Variants in PRPF8 observed in about 807,000 individuals in gnomAD.
The protein encoded by PRPF8 is pre-mRNA processing factor 8, also known as pre-mRNA-processing-splicing factor 8.
In PRPF8, 64 loss-of-function variants were observed where a neutral mutation model predicts 285.9. The observed-to-expected ratio is 0.22, with a 90% CI of 0.18 to 0.28. The LOEUF (loss-of-function observed/expected upper bound fraction) is 0.28, where lower values mean the gene tolerates loss of function less well. Ranked by LOEUF, PRPF8 falls within the 10% of genes least tolerant of loss-of-function variation. The pLI is 1.00. For synonymous variants in PRPF8, 1,325 were observed against 1,118.2 expected (o/e 1.18, Z -3.69); for missense variants, 1,426 against 3,026.7 (o/e 0.47, Z 12.41).
At chr17:1,666,157 C>T (rs1911973081) in intron 24 of PRPF8, among the ~76,000 whole-genome samples, 1 of 144,478 alleles carries the variant, frequency 6.9e-6, no homozygotes, top group Admixed American at 6.7e-5. Context: ...CAGGGCGAGA[C>T]TCTGTCTCAA....
In PRPF8 at chr17:1,676,764, C is replaced by T. The variant is rs1337305968; in HGVS notation, c.2182-53G>A. On this transcript the variant is annotated intron_variant, in intron 15 of 42. Coordinates refer to ENST00000304992, the MANE Select transcript of PRPF8 (RefSeq NM_006445.4). This position sits in a 1 kb window ranked among gnomAD's most constrained non-coding sequence, Gnocchi z 6.3. ...CAGGATCCAGCCAGGCACTGTGGCACACATCTGTAGTCCCGGCTACTCAGG... is the reference window on the plus strand; with the variant it reads ...CAGGATCCAGCCAGGCACTGTGGCATACATCTGTAGTCCCGGCTACTCAGG... 4 of 1,596,008 alleles carry T rather than the reference C, an allele frequency of 2.5e-6. No individual in the cohort carries two copies. The African/African-American group carries it at 4.0e-5, about 16-fold the overall frequency.
chr17:1,680,829 T>C lies in PRPF8; in HGVS notation c.995A>G (p.Tyr332Cys), dbSNP rs755861424. 4 of 1,613,928 alleles carry C rather than the reference T, an allele frequency of 2.5e-6. No homozygotes were observed. Among genetic ancestry groups the C allele is most frequent in the Non-Finnish European group, 2.5e-6 (3 of 1,179,962 alleles). ...GATGAATACAACATTGGGAGTATGG[T>C]ACCTAAAATGAAAGGAAGAGTCAGC... ...NLPHHVHLTW[Y>C]HTPNVVFIKT... The change falls in exon 8 of 43, where the codon TAC (tyrosine) becomes TGC (cysteine). Residue 332 changes from tyrosine (Y) to cysteine (C), a missense_variant and splice_region_variant. Physicochemically the swap from Tyr to Cys is radical, Grantham distance 194. Around this residue, in one of 34 missense-constraint regions of PRPF8, gnomAD observed 157 missense variants for 159.6 expected, o/e 0.98. Coordinates refer to ENST00000304992, the MANE Select transcript of PRPF8 (RefSeq NM_006445.4).
In PRPF8 at chr17:1,676,948, G is replaced by A. The variant is rs141503145; in HGVS notation, c.2181+28C>T. 6,516 of 1,611,136 alleles carry A rather than the reference G, an allele frequency of 4.0e-3. 17 individuals are homozygous for A. The highest frequency in any genetic ancestry group is 5.2e-3 in the Non-Finnish European group (6,099 of 1,179,208). On this transcript the variant is annotated intron_variant, in intron 15 of 42. Coordinates refer to ENST00000304992, the MANE Select transcript of PRPF8 (RefSeq NM_006445.4). The surrounding 1 kb of genome is among the most constrained non-coding windows in gnomAD (Gnocchi z 6.3). ...TCCTACCCTAAAGACGGATGTTTACGCCTCCAAGGAAATAAAGAGACACCC... is the reference window on the plus strand; with the variant it reads ...TCCTACCCTAAAGACGGATGTTTACACCTCCAAGGAAATAAAGAGACACCC...
Position 1,651,841 on chromosome 17 carries a change from T to G in PRPF8, c.6370-53A>C. 14 of 1,592,870 alleles carry G rather than the reference T, an allele frequency of 8.8e-6. No homozygotes were observed. Among genetic ancestry groups the G allele is most frequent in the Non-Finnish European group, 1.1e-5 (13 of 1,161,956 alleles). On this transcript the variant is annotated intron_variant, in intron 39 of 42. Transcript: ENST00000304992. The surrounding 1 kb of genome is among the most constrained non-coding windows in gnomAD (Gnocchi z 5.1). Reference sequence around the variant, plus strand: ...ACTCTTCTTAGTACCAGGTCAGAGTTGGAGCTGCCAGCCCTCTGTTTCCTT... The same window carrying G: ...ACTCTTCTTAGTACCAGGTCAGAGTGGGAGCTGCCAGCCCTCTGTTTCCTT...
Position 1,675,437 on chromosome 17 carries a change from T to C in PRPF8, c.2873-98A>G. The C allele has an allele frequency of 1.4e-6, 2 of 1,478,416 alleles. No homozygotes were observed. The highest frequency in any genetic ancestry group is 2.3e-5 in the East Asian group (1 of 44,254). The allele number at this position is 1,478,416 out of a possible 1,614,324, so 91.6% of individuals were successfully genotyped here. The stretch of plus-strand genomic sequence containing the variant: ...TTACCTTCCATAACCAATCCCACTA[T>C]GATTCCACGTATTCATTTGGATTGC... On this transcript the variant is annotated intron_variant, in intron 19 of 42. Coordinates refer to ENST00000304992, the MANE Select transcript of PRPF8 (RefSeq NM_006445.4). The surrounding 1 kb of genome is among the most constrained non-coding windows in gnomAD (Gnocchi z 6.0).
At position 1,678,501 on chromosome 17, in the gene PRPF8, TA is replaced by T. The variant is rs754093231; in HGVS notation, c.1854+16del. ...TCTGTCTCAAAAAAAAGAAAGTCAG[TA>T]AAGTCAAGGTCTCACCGTGTTGAAA... On this transcript the variant is annotated intron_variant, in intron 13 of 42. Coordinates refer to ENST00000304992, the MANE Select transcript of PRPF8 (RefSeq NM_006445.4). The T allele has an allele frequency of 1.2e-6, 2 of 1,613,990 alleles. No individual in the cohort carries two copies. Among genetic ancestry groups the T allele is most frequent in the South Asian group, 2.2e-5 (2 of 91,066 alleles).
intron 34 of PRPF8, among the ~76,000 whole-genome samples, chr17:1,657,420 C>T (rs537183059): frequency 7.2e-5 from 11 of 151,964 alleles, no homozygotes; most frequent in East Asian, 1.9e-4. Context: ...CCAAGGCGGG[C>T]GGATCACGAG....
intron 30 of PRPF8, 132 bp downstream of exon 30, chr17:1,660,300 C>A: frequency 6.6e-7 from 1 of 1,506,286 alleles, no homozygotes; most frequent in Non-Finnish European, 9.1e-7. Flanking sequence ...CCCCACGATT[C>A]CACCTGAGCT....
chr17:1,658,413 T>TACA lies in PRPF8; in HGVS notation c.5377-35_5377-33dup. On this transcript the variant is annotated intron_variant, in intron 33 of 42. Transcript: ENST00000304992. This position sits in a 1 kb window ranked among gnomAD's most constrained non-coding sequence, Gnocchi z 4.1. The stretch of plus-strand genomic sequence containing the variant: ...GAGGACGGCATTCGTTAGCATGGCC[T>TACA]ACACAACACATCCCCATCCTGCCTT... The TACA allele has an allele frequency of 6.2e-7, 1 of 1,614,216 alleles. No homozygotes were observed. Among genetic ancestry groups the TACA allele is most frequent in the Non-Finnish European group, 8.5e-7 (1 of 1,180,046 alleles).
At position 1,652,535 on chromosome 17, in the gene PRPF8, A is replaced by G. The variant is rs143015245; in HGVS notation, c.6370-747T>C. On this transcript the variant is annotated intron_variant, in intron 39 of 42. Coordinates refer to ENST00000304992, the MANE Select transcript of PRPF8 (RefSeq NM_006445.4). ...TAAACTATAATATCCCTGATACACT[A>G]GTAAAGTTATGCATCTTTTCTCTTT... Among the ~76,000 whole-genome samples, 5 of 152,302 alleles carry G rather than the reference A, an allele frequency of 3.3e-5. No individual in the cohort carries two copies. The East Asian group carries it at 9.6e-4, about 29-fold the overall frequency.
In PRPF8 at chr17:1,679,675, G is replaced by C; in HGVS notation, c.1223C>G (p.Pro408Arg). Residue 408 changes from proline to arginine, a missense_variant, in exon 9 of 43, where the codon CCG becomes CGG. Physicochemically the swap from Pro to Arg is moderately radical, Grantham distance 103. This residue lies in a region of PRPF8 where 137 missense variants were observed against 161.2 expected (regional missense o/e 0.85). Coordinates refer to ENST00000304992, the MANE Select transcript of PRPF8 (RefSeq NM_006445.4). The surrounding 1 kb of genome is among the most constrained non-coding windows in gnomAD (Gnocchi z 4.7). ...TANGIALLWA[P>R]RPFNLRSGRT... ...ACCAGAGCGTAGGTTGAAGGGCCGC[G>C]GGGCCCAGAGCAGGGCAATGCCATT... 6.2e-7 allele frequency: 1 copy of C among 1,614,172 alleles called. No individual in the cohort carries two copies.
At chr17:1,683,385 T>C (rs1011332501) in intron 3 of PRPF8, 148 bp downstream of exon 3, 18 of 855,110 alleles carry the variant, frequency 2.1e-5, no homozygotes, top group Non-Finnish European at 3.3e-5. Flanking sequence ...AAGTGGAAGA[T>C]GTAGAAATTA....
intron 13 of PRPF8, 93 bp downstream of exon 13, chr17:1,678,425 G>C: frequency 6.5e-7 from 1 of 1,535,144 alleles, no homozygotes; most frequent in Non-Finnish European, 9.0e-7. Flanking sequence ...GGAGGTTGCA[G>C]TGAGCCAAGA....
rs1911186179 is a variant in PRPF8 at position 1,653,346 on chromosome 17, T to C, written c.6369+196A>G. On this transcript the variant is annotated intron_variant, in intron 39 of 42. Transcript: ENST00000304992. This position sits in a 1 kb window ranked among gnomAD's most constrained non-coding sequence, Gnocchi z 4.9. ...ACTATCAGGCCAATACTACAATTAC[T>C]ACCTTCTCTCAGCTGCCACAGCTTT... 8.6e-6 allele frequency: 6 copies of C among 700,268 alleles called. No homozygotes were observed. Among genetic ancestry groups the C allele is most frequent in the African/African-American group, 1.8e-5 (1 of 56,738 alleles). 43.4% of individuals were successfully genotyped at this position (700,268 alleles called of 1,614,324 possible).
intron 14 of PRPF8, 105 bp from the exon 15 acceptor site, chr17:1,677,277 G>T: frequency 8.1e-7 from 1 of 1,228,640 alleles, no homozygotes; most frequent in African/African-American, 1.5e-5. Flanking sequence ...ATAAAATTAG[G>T]TATTAACAAA....
intron 2 of PRPF8, among the ~76,000 whole-genome samples, chr17:1,684,129 C>G (rs1055065968): frequency 6.6e-6 from 1 of 152,114 alleles, no homozygotes; most frequent in African/African-American, 2.4e-5. Context: ...TCAGGTGATC[C>G]GCCCGCCTGG....
chr17:1,671,704 A>G (rs1912328458), intron 24 of PRPF8, among the ~76,000 whole-genome samples: 1 of 151,606 alleles, frequency 6.6e-6, no homozygotes. Context: ...ACAAAAACTT[A>G]GCCGGGCGTG....
At position 1,651,398 on chromosome 17, in the gene PRPF8, A is replaced by C; in HGVS notation, c.6650+16T>G. ...CCCTGCCCCACCATACTTCCTCCCA[A>C]GGAGCCCAGGCCCACCTGCATGTGA... On this transcript the variant is annotated intron_variant, in intron 41 of 42. Transcript: ENST00000304992. This position sits in a 1 kb window ranked among gnomAD's most constrained non-coding sequence, Gnocchi z 5.1. 1 of 1,614,046 alleles carries C rather than the reference A, an allele frequency of 6.2e-7. No individual in the cohort carries two copies. The highest frequency in any genetic ancestry group is 8.5e-7 in the Non-Finnish European group (1 of 1,179,998).
intron 24 of PRPF8, among the ~76,000 whole-genome samples, chr17:1,664,770 A>G (rs1201690750): frequency 6.6e-6 from 1 of 152,244 alleles, no homozygotes; most frequent in African/African-American, 2.4e-5. Context: ...TGTAAACAGC[A>G]TAATTTGAAA....
Sources: gnomAD v4.1 joint callset for allele counts (sites outside exome capture counted in the v4.1 genomes callset) on GRCh38, gnomAD v4.1.1 for gene constraint, gnomAD v4.1.1 regional missense constraint, Gnocchi (gnomAD v3.1) non-coding constraint, MANE v1.5 for transcripts, NCBI Gene and HGNC (gene_info 2026-07-23, HGNC 2026-07-21) for gene names.